The following RIOK1 variants were observed in gnomAD, a reference collection of about 807,000 sequenced individuals.
RIOK1 encodes serine/threonine-protein kinase RIO1.
A neutral mutation model predicts 73.5 loss-of-function variants in RIOK1; 66 were observed. That is an observed-to-expected ratio of 0.90 (90% confidence interval 0.74 to 1.10). The LOEUF (loss-of-function observed/expected upper bound fraction) is 1.10, where lower values mean the gene tolerates loss of function less well. Ranked by LOEUF, RIOK1 falls within the 50% of genes least tolerant of loss-of-function variation. The pLI is 0.00. For synonymous variants in RIOK1, 224 were observed against 226.8 expected (o/e 0.99, Z 0.11); for missense variants, 658 against 699.8 (o/e 0.94, Z 0.67).
At chr6:7,416,279 C>A (rs964948742) in intron 16 of RIOK1, among the ~76,000 whole-genome samples, 1 of 152,180 alleles carries the variant, frequency 6.6e-6, no homozygotes, top group Non-Finnish European at 1.5e-5. Flanking sequence ...GAATATGGAA[C>A]TTGTAAAGAA....
intron 5 of RIOK1, 121 bp downstream of exon 5, chr6:7,398,861 A>G: frequency 1.3e-6 from 1 of 744,808 alleles, no homozygotes; most frequent in South Asian, 2.0e-5. Flanking sequence ...CTCCTATATA[A>G]AATTATTCCT....
intron 12 of RIOK1, among the ~76,000 whole-genome samples, chr6:7,408,708 ACTTT>A (rs1372150488): frequency 6.7e-6 from 1 of 149,642 alleles, no homozygotes; most frequent in Non-Finnish European, 1.5e-5. Context: ...CTTAGCACTG[ACTTT>A]CTTTTTCTTT....
At position 7,396,755 on chromosome 6, in the gene RIOK1, A is replaced by G. The variant is rs756887944; in HGVS notation, c.420A>G (p.Arg140=). 3.1e-6 allele frequency: 5 copies of G among 1,593,210 alleles called. No individual in the cohort carries two copies. Among genetic ancestry groups the G allele is most frequent in the South Asian group, 1.1e-5 (1 of 90,062 alleles). Residue 140 remains arginine (R), a synonymous_variant, in exon 4 of 17, where the codon AGA becomes AGG. Coordinates refer to ENST00000379834, the MANE Select transcript of RIOK1 (RefSeq NM_031480.3). ...TAAATAAAGTCACCGAAAAGTCTAG[A>G]CAAAAGGAAGCAGATATGTAAGTAA... The part of the protein sequence containing the change: ...SVINKVTEKS[R]QKEADMYRIK...
chr6:7,407,821 T>G (rs1262092656), intron 12 of RIOK1, among the ~76,000 whole-genome samples: 2 of 151,724 alleles, frequency 1.3e-5, no homozygotes, highest in Non-Finnish European at 2.9e-5. Context: ...TCAGGTTTGG[T>G]TTTTTTTGTT....
At position 7,394,889 on chromosome 6, in the gene RIOK1, C is replaced by G. The variant is rs1761433703; in HGVS notation, c.277-164C>G. ...ATTTTAACCTTCTGTTTCAAATGCTCTTTAAAAAATTTTTTGAGCCAATTT... is the reference window on the plus strand; with the variant it reads ...ATTTTAACCTTCTGTTTCAAATGCTGTTTAAAAAATTTTTTGAGCCAATTT... On this transcript the variant is annotated intron_variant, in intron 2 of 16. Coordinates refer to ENST00000379834, the MANE Select transcript of RIOK1 (RefSeq NM_031480.3). 1.1e-5 allele frequency: 11 copies of G among 1,033,330 alleles called. No individual in the cohort carries two copies. In the South Asian group the frequency reaches 1.6e-4, roughly 15 times the overall value. 64.0% of individuals were successfully genotyped at this position (1,033,330 alleles called of 1,614,324 possible).
At position 7,417,851 on chromosome 6, in the gene RIOK1, A is replaced by C. The variant is rs1196747510; in HGVS notation, c.*410A>C. 1.3e-5 allele frequency: 2 copies of C among 152,384 alleles called. No homozygotes were observed. Among genetic ancestry groups the C allele is most frequent in the Admixed American group, 6.5e-5 (1 of 15,272 alleles). 9.4% of individuals were successfully genotyped at this position (152,384 alleles called of 1,614,324 possible). A position where few individuals can be genotyped will look rare whatever the true frequency, so the allele number is the denominator to read the frequency against. ...TTTGTACACACCAGAGACCCATCTGAGGTCATCTGATTATAAGGCCATGTT... is the reference window on the plus strand; with the variant it reads ...TTTGTACACACCAGAGACCCATCTGCGGTCATCTGATTATAAGGCCATGTT... On this transcript the variant is annotated 3_prime_UTR_variant, in exon 17 of 17. Coordinates refer to ENST00000379834, the MANE Select transcript of RIOK1 (RefSeq NM_031480.3).
intron 6 of RIOK1, among the ~76,000 whole-genome samples, chr6:7,401,818 A>G (rs1761621225): frequency 6.6e-6 from 1 of 151,210 alleles, no homozygotes; most frequent in Admixed American, 6.6e-5. Flanking sequence ...AGCTGGGACT[A>G]CAGGCGTGCA....
chr6:7,417,337 A>G lies in RIOK1; in HGVS notation c.1603A>G (p.Lys535Glu). Reference protein sequence around the residue: ...TDPDIDKKERKKMVKEAQREK... With the variant: ...TDPDIDKKEREKMVKEAQREK... ...TTTTGTTTGTTTTTTACAGGAAAGAAAAAAGATGGTCAAGGAAGCCCAGAG... is the reference window on the plus strand; with the variant it reads ...TTTTGTTTGTTTTTTACAGGAAAGAGAAAAGATGGTCAAGGAAGCCCAGAG... Residue 535 changes from lysine (K) to glutamate (E), a missense_variant, in exon 17 of 17, where the codon AAA (lysine) becomes GAA (glutamate). Physicochemically the swap from Lys to Glu is moderately conservative, Grantham distance 56. Coordinates refer to ENST00000379834, the MANE Select transcript of RIOK1 (RefSeq NM_031480.3). 2.0e-6 allele frequency: 3 copies of G among 1,533,726 alleles called. No homozygotes were observed. The highest frequency in any genetic ancestry group is 2.6e-6 in the Non-Finnish European group (3 of 1,141,874).
intron 12 of RIOK1, among the ~76,000 whole-genome samples, chr6:7,407,714 A>G (rs1761782671): frequency 1.3e-5 from 2 of 151,696 alleles, no homozygotes; most frequent in South Asian, 4.2e-4. Context: ...GTCTGGTCTT[A>G]GACTCCTGGG....
Position 7,396,896 on chromosome 6 carries a change from T to C in RIOK1, c.437+124T>C. The C allele has an allele frequency of 1.2e-5, 6 of 500,040 alleles. No homozygotes were observed. In the Admixed American group the frequency reaches 2.2e-4, roughly 18 times the overall value. The allele number at this position is 500,040 out of a possible 1,614,324, so 31.0% of individuals were successfully genotyped here. On this transcript the variant is annotated intron_variant, in intron 4 of 16. Transcript: ENST00000379834. ...ACTTAAACCAATCATTATTTTGGTGTGTGTGTGTGTGTGTGTGTGTGTGTT... is the reference window on the plus strand; with the variant it reads ...ACTTAAACCAATCATTATTTTGGTGCGTGTGTGTGTGTGTGTGTGTGTGTT...
rs1470591873 is a variant in RIOK1 at position 7,398,743 on chromosome 6, A to G, written c.480+3A>G. 4 of 1,608,914 alleles carry G rather than the reference A, an allele frequency of 2.5e-6. No homozygotes were observed. The highest frequency in any genetic ancestry group is 2.7e-5 in the African/African-American group (2 of 74,818). ...CAGACAGAGCAACTGTAGAACAGGT[A>G]CAATTTAAATGTGTTGCAAACTCTT... On this transcript the variant is annotated splice_donor_region_variant and intron_variant, in intron 5 of 16. Coordinates refer to ENST00000379834, the MANE Select transcript of RIOK1 (RefSeq NM_031480.3).
chr6:7,414,428 G>A (rs1761953726), intron 16 of RIOK1, 38 bp downstream of exon 16: 9 of 1,537,492 alleles, frequency 5.9e-6, no homozygotes, highest in Non-Finnish European at 7.9e-6. Context: ...CTTTAGTGTG[G>A]GAGCACAGCC....
intron 1 of RIOK1, among the ~76,000 whole-genome samples, chr6:7,391,049 G>C (rs1310303474): frequency 6.6e-6 from 1 of 152,204 alleles, no homozygotes; most frequent in Non-Finnish European, 1.5e-5. Context: ...TCTGGGGAAA[G>C]AGGGATGAAG....
chr6:7,403,248 C>T (rs1335234214), intron 8 of RIOK1, among the ~76,000 whole-genome samples: 1 of 152,182 alleles, frequency 6.6e-6, no homozygotes, highest in African/African-American at 2.4e-5. Flanking sequence ...AGGAAAGTGA[C>T]ACAATCAGAT....
intron 1 of RIOK1, among the ~76,000 whole-genome samples, chr6:7,391,149 A>C (rs777700773): frequency 2.6e-5 from 4 of 152,218 alleles, no homozygotes; most frequent in Non-Finnish European, 4.4e-5. Context: ...TACAGTAAGG[A>C]TTCATCACAT....
chr6:7,404,629 A>G, intron 10 of RIOK1, 74 bp downstream of exon 10: 1 of 1,538,434 alleles, frequency 6.5e-7, no homozygotes, highest in East Asian at 2.3e-5. Flanking sequence ...CAAAATCCCA[A>G]TCCAAGAAGT....
chr6:7,415,920 G>A (rs886483177), intron 16 of RIOK1, among the ~76,000 whole-genome samples: 12 of 152,138 alleles, frequency 7.9e-5, no homozygotes, highest in African/African-American at 2.9e-4. Flanking sequence ...CTCTTACTGT[G>A]CCTAATTTAT....
At chr6:7,397,760 T>G (rs1470545144) in intron 4 of RIOK1, among the ~76,000 whole-genome samples, 1 of 152,202 alleles carries the variant, frequency 6.6e-6, no homozygotes, top group Non-Finnish European at 1.5e-5. Flanking sequence ...CCTTTATTAG[T>G]TTAGGTTAGT....
intron 3 of RIOK1, among the ~76,000 whole-genome samples, chr6:7,395,966 C>T (rs950527616): frequency 1.3e-5 from 2 of 152,100 alleles, no homozygotes; most frequent in African/African-American, 2.4e-5. Context: ...CCTCAGCCTC[C>T]CAAAATGTTG....
Sources: allele counts gnomAD v4.1 joint callset (sites outside exome capture counted in the v4.1 genomes callset), GRCh38; gene constraint gnomAD v4.1.1; transcripts MANE v1.5; gene names NCBI Gene and HGNC (gene_info 2026-07-23, HGNC 2026-07-21).